HS3ST4: variants seen among roughly 807,000 people sequenced by gnomAD.
The protein encoded by HS3ST4 is heparan sulfate-glucosamine 3-sulfotransferase 4, also known as heparan sulfate glucosamine 3-O-sulfotransferase 4.
Under a neutral mutation model 29.2 loss-of-function variants are expected in HS3ST4, and 17 were observed. The observed-to-expected ratio is 0.58, with a 90% CI of 0.40 to 0.87. HS3ST4 has a LOEUF of 0.87. Ranked by LOEUF, HS3ST4 falls within the 40% of genes least tolerant of loss-of-function variation. HS3ST4 has a pLI of 0.00. For missense variants in HS3ST4, 627 were observed against 634.5 expected, an observed-to-expected ratio of 0.99 and a Z score of 0.13; for synonymous variants, 314 against 285.7, an observed-to-expected ratio of 1.10 and a Z score of -1.00.
At chr16:26,002,995 G>A (rs1244750106) in intron 1 of HS3ST4, among the ~76,000 whole-genome samples, 1 of 151,108 alleles carries the variant, frequency 6.6e-6, no homozygotes, top group East Asian at 1.9e-4. Context: ...GCTTGTAAAG[G>A]CACCAATTTC....
Position 26,136,625 on chromosome 16 carries a change from C to G in HS3ST4, c.*377C>G, listed in dbSNP as rs1291351311. ...GGTCTGCTTTATAGGGGTTCTCACTCTAGCTTGGGGAGCCAGGGTTCTAGC... is the reference window on the plus strand; with the variant it reads ...GGTCTGCTTTATAGGGGTTCTCACTGTAGCTTGGGGAGCCAGGGTTCTAGC... On this transcript the variant is annotated 3_prime_UTR_variant, in exon 2 of 2. Coordinates refer to ENST00000331351, the MANE Select transcript of HS3ST4 (RefSeq NM_006040.3). 4.5e-6 allele frequency: 1 copy of G among 224,156 alleles called. No homozygotes were observed. 13.9% of individuals were successfully genotyped at this position (224,156 alleles called of 1,614,324 possible). A position where few individuals can be genotyped will look rare whatever the true frequency, so the allele number is the denominator to read the frequency against.
intron 1 of HS3ST4, among the ~76,000 whole-genome samples, chr16:25,725,793 A>C (rs1418934414): frequency 6.6e-6 from 1 of 151,018 alleles, no homozygotes; most frequent in Non-Finnish European, 1.5e-5. Context: ...TAATTAAATA[A>C]ATGCATATAT....
intron 1 of HS3ST4, among the ~76,000 whole-genome samples, chr16:25,694,660 TAAAG>T (rs1567221649): frequency 6.6e-6 from 1 of 152,132 alleles, no homozygotes; most frequent in Non-Finnish European, 1.5e-5. Context: ...AACAGCAAAA[TAAAG>T]AAGGGGCACG....
At chr16:26,088,391 T>A (rs1456962420) in intron 1 of HS3ST4, among the ~76,000 whole-genome samples, 1 of 152,210 alleles carries the variant, frequency 6.6e-6, no homozygotes, top group African/African-American at 2.4e-5. Context: ...ATTGTGTTGA[T>A]TGCTTGAATT....
At chr16:25,836,166 G>A (rs189075520) in intron 1 of HS3ST4, among the ~76,000 whole-genome samples, 217 of 152,250 alleles carry the variant, frequency 1.4e-3, no homozygotes, top group Admixed American at 2.2e-3. Context: ...CTAGGAAGGG[G>A]TGAAGGAGTG....
rs768005203 is a variant in HS3ST4, at chr16:26,135,774, G to A, written c.897G>A (p.Thr299=). ...NPVTRAISDY[T]QTLSKKPEIP... The stretch of plus-strand genomic sequence containing the variant: ...TGACCAGGGCCATCTCTGACTACAC[G>A]CAGACACTGTCAAAGAAACCCGAGA... The change falls in exon 2 of 2, where the codon ACG becomes ACA. Residue 299 remains threonine (T), a synonymous_variant. Transcript: ENST00000331351. The A allele has an allele frequency of 2.0e-5, 32 of 1,609,966 alleles. No individual in the cohort carries two copies. Among genetic ancestry groups the A allele is most frequent in the Non-Finnish European group, 2.6e-5 (31 of 1,178,464 alleles).
chr16:25,715,037 C>T (rs553784330), intron 1 of HS3ST4, among the ~76,000 whole-genome samples: 14 of 152,304 alleles, frequency 9.2e-5, no homozygotes, highest in South Asian at 8.3e-4. Context: ...TAAAACTCAG[C>T]GCCGGCCGGG....
At chr16:25,699,205 T>C (rs1427969932) in intron 1 of HS3ST4, among the ~76,000 whole-genome samples, 2 of 152,236 alleles carry the variant, frequency 1.3e-5, no homozygotes, top group African/African-American at 4.8e-5. Context: ...ATACCCTGTG[T>C]ACCCTGTGCA....
chr16:25,833,930 C>T (rs1967331973), intron 1 of HS3ST4, among the ~76,000 whole-genome samples: 1 of 152,136 alleles, frequency 6.6e-6, no homozygotes, highest in South Asian at 2.1e-4. Flanking sequence ...GCACTTCACC[C>T]ATTCATAACA....
At chr16:25,813,087 C>T (rs553847353) in intron 1 of HS3ST4, among the ~76,000 whole-genome samples, 5 of 152,246 alleles carry the variant, frequency 3.3e-5, no homozygotes, top group East Asian at 1.9e-4. Context: ...AGAACGCCTA[C>T]GTATCTACAA....
rs912981527 is a variant in HS3ST4 at position 25,830,455 on chromosome 16, G to C, written c.734+137304G>C. 2.0e-5 allele frequency among the ~76,000 whole-genome samples: 3 copies of C among 152,110 alleles called. No individual in the cohort carries two copies. The East Asian group carries it at 5.8e-4, about 29-fold the overall frequency. On this transcript the variant is annotated intron_variant, in intron 1 of 1. Coordinates refer to ENST00000331351, the MANE Select transcript of HS3ST4 (RefSeq NM_006040.3). The stretch of plus-strand genomic sequence containing the variant: ...CAGGTTCTCTCCTCTGCAGGGGGAG[G>C]CATCACCTGTTCTTCTCAGAACCCC...
At chr16:25,968,039 T>C (rs751449288) in intron 1 of HS3ST4, among the ~76,000 whole-genome samples, 1 of 152,146 alleles carries the variant, frequency 6.6e-6, no homozygotes, top group Non-Finnish European at 1.5e-5. Context: ...GAGGGATTAT[T>C]CTCTCAGTGA....
At chr16:25,948,638 G>A (rs1183815978) in intron 1 of HS3ST4, among the ~76,000 whole-genome samples, 1 of 152,046 alleles carries the variant, frequency 6.6e-6, no homozygotes, top group East Asian at 1.9e-4. Context: ...CTTGAGTTTA[G>A]GTATGGTGTA....
chr16:25,769,662 T>C (rs1387334469), intron 1 of HS3ST4, among the ~76,000 whole-genome samples: 1 of 152,230 alleles, frequency 6.6e-6, no homozygotes, highest in African/African-American at 2.4e-5. Context: ...CTATTGATTT[T>C]TTAATAAGCA....
chr16:25,801,771 A>G (rs1005561244), intron 1 of HS3ST4, among the ~76,000 whole-genome samples: 3 of 152,152 alleles, frequency 2.0e-5, no homozygotes, highest in Admixed American at 2.0e-4. Context: ...TTAATCATAA[A>G]TATTCAGCCT....
At chr16:25,908,012 C>T (rs1415982482) in intron 1 of HS3ST4, among the ~76,000 whole-genome samples, 1 of 152,114 alleles carries the variant, frequency 6.6e-6, no homozygotes, top group Non-Finnish European at 1.5e-5. Context: ...ATTTAATTTT[C>T]CTTTAGTTAT....
chr16:25,782,323 C>G (rs909693261), intron 1 of HS3ST4, among the ~76,000 whole-genome samples: 1 of 152,150 alleles, frequency 6.6e-6, no homozygotes. Flanking sequence ...AGCCACCAAA[C>G]GGAAGTACCT....
At chr16:25,829,276 C>T (rs1212449723) in intron 1 of HS3ST4, among the ~76,000 whole-genome samples, 1 of 152,216 alleles carries the variant, frequency 6.6e-6, no homozygotes. Flanking sequence ...CTTTGGGCAG[C>T]TTGCTGCCTA....
At chr16:25,789,531 C>T (rs1966864450) in intron 1 of HS3ST4, among the ~76,000 whole-genome samples, 1 of 149,440 alleles carries the variant, frequency 6.7e-6, no homozygotes, top group African/African-American at 2.5e-5. Flanking sequence ...CCCCCTCCTC[C>T]TCTTTTTTTC....
Sources: allele counts gnomAD v4.1 joint callset (sites outside exome capture counted in the v4.1 genomes callset), GRCh38; gene constraint gnomAD v4.1.1; transcripts MANE v1.5; gene names NCBI Gene and HGNC (gene_info 2026-07-23, HGNC 2026-07-21).